MSH3: variants seen among roughly 807,000 people sequenced by gnomAD.
The protein encoded by MSH3 is DNA mismatch repair protein Msh3.
MSH3 carries 106 observed loss-of-function variants against 123.3 expected under a neutral mutation model. The ratio of observed to expected loss-of-function variants is 0.86; its 90% CI spans 0.73 to 1.01. The LOEUF (loss-of-function observed/expected upper bound fraction) is 1.01, where lower values mean the gene tolerates loss of function less well. Among genes scored for constraint, MSH3 ranks in the 50% least tolerant of loss-of-function variants. The pLI, the probability that MSH3 is intolerant of heterozygous loss-of-function variation, is 0.00. For synonymous variants in MSH3, 515 were observed against 481.4 expected (o/e 1.07, Z -0.91); for missense variants, 1,459 against 1,347.6 (o/e 1.08, Z -1.29).
intron 3 of MSH3, 73 bp from the exon 4 acceptor site, chr5:80,670,024 T>A (rs2112812026): frequency 1.4e-6 from 2 of 1,420,596 alleles, no homozygotes; most frequent in East Asian, 4.8e-5. Flanking sequence ...TTGCCAGATT[T>A]GCATTTTCCG....
At chr5:80,802,735 A>G (rs1744814648) in intron 19 of MSH3, among the ~76,000 whole-genome samples, 1 of 152,122 alleles carries the variant, frequency 6.6e-6, no homozygotes, top group Non-Finnish European at 1.5e-5. Context: ...TACCCTTCCC[A>G]GCCTCTGGTA....
At chr5:80,722,720 A>G (rs1239929988) in intron 8 of MSH3, among the ~76,000 whole-genome samples, 1 of 152,266 alleles carries the variant, frequency 6.6e-6, no homozygotes, top group Non-Finnish European at 1.5e-5. Flanking sequence ...TATAATAGAC[A>G]TGAATAGAAG....
chr5:80,727,696 C>A (rs1743326874), intron 9 of MSH3, among the ~76,000 whole-genome samples: 1 of 151,798 alleles, frequency 6.6e-6, no homozygotes, highest in South Asian at 2.1e-4. Flanking sequence ...ATTGGGCATA[C>A]AATAAGGAAT....
chr5:80,667,922 A>G (rs1749607969), intron 3 of MSH3, among the ~76,000 whole-genome samples: 1 of 152,198 alleles, frequency 6.6e-6, no homozygotes, highest in South Asian at 2.1e-4. Context: ...TTTGTGTTAC[A>G]GCTCTTTTAG....
intron 18 of MSH3, among the ~76,000 whole-genome samples, chr5:80,789,323 C>T (rs1255398637): frequency 6.6e-6 from 1 of 151,700 alleles, no homozygotes; most frequent in African/African-American, 2.4e-5. Context: ...GTGTCTCTCT[C>T]CAACAGATGA....
At chr5:80,682,445 C>T (rs780420160) in intron 8 of MSH3, among the ~76,000 whole-genome samples, 6 of 151,770 alleles carry the variant, frequency 4.0e-5, no homozygotes, top group African/African-American at 7.3e-5. Context: ...TGTGGCTGGG[C>T]GCAGTGGCTT....
Position 80,792,808 on chromosome 5 carries a change from A to G in MSH3, c.2619A>G (p.Glu873=). The change falls in exon 19 of 24, where the codon GAA becomes GAG. Residue 873 remains glutamate (E), a synonymous_variant. Transcript: ENST00000265081. ...CTGTGATTGATGTGTTGCTGGGAGA[A>G]CAGGATCAATATGTCCCAAATAATA... is the stretch of plus-strand genomic sequence containing the variant. ...RHPVIDVLLG[E]QDQYVPNNTD... 1 of 1,613,202 alleles carries G rather than the reference A, an allele frequency of 6.2e-7. No homozygotes were observed.
At position 80,671,402 on chromosome 5, in the gene MSH3, G is replaced by A. The variant is rs6151641; in HGVS notation, c.793-842G>A. Among the ~76,000 whole-genome samples, 333 of 152,274 alleles carry A rather than the reference G, an allele frequency of 2.2e-3. 1 individual carries two copies. Among genetic ancestry groups the A allele is most frequent in the Non-Finnish European group, 3.2e-3 (216 of 68,026 alleles). ...TTTCTTCAAGTTTCCTAAATCCTCTGTGGCAGGCAAGCAGCGTTCTCAAAG... is the reference window on the plus strand; with the variant it reads ...TTTCTTCAAGTTTCCTAAATCCTCTATGGCAGGCAAGCAGCGTTCTCAAAG... On this transcript the variant is annotated intron_variant, in intron 4 of 23. Transcript: ENST00000265081.
chr5:80,702,749 C>T (rs543449815), intron 8 of MSH3, among the ~76,000 whole-genome samples: 9 of 151,756 alleles, frequency 5.9e-5, no homozygotes, highest in African/African-American at 1.7e-4. Context: ...CAGTGGCTCA[C>T]GCCTGTAATC....
intron 7 of MSH3, 140 bp downstream of exon 7, chr5:80,675,268 AT>A: frequency 9.9e-7 from 1 of 1,012,670 alleles, no homozygotes. Flanking sequence ...TTTTCTCACA[AT>A]ATTATATGTT....
chr5:80,707,601 A>G (rs1750753266), intron 8 of MSH3, among the ~76,000 whole-genome samples: 1 of 152,026 alleles, frequency 6.6e-6, no homozygotes, highest in Non-Finnish European at 1.5e-5. Flanking sequence ...ATGTGGTGGC[A>G]CAAGCCTGTA....
chr5:80,866,324 A>G (rs539226912), intron 22 of MSH3, among the ~76,000 whole-genome samples: 1 of 152,268 alleles, frequency 6.6e-6, no homozygotes, highest in Non-Finnish European at 1.5e-5. Context: ...TGTTCTGTAG[A>G]GACAGGCTCT....
At chr5:80,684,580 C>T (rs141662600) in intron 8 of MSH3, among the ~76,000 whole-genome samples, 1 of 152,102 alleles carries the variant, frequency 6.6e-6, no homozygotes, top group Non-Finnish European at 1.5e-5. Context: ...TTTTGGTAGT[C>T]TTTAGGTTTT....
intron 14 of MSH3, among the ~76,000 whole-genome samples, chr5:80,768,321 A>G (rs1744159142): frequency 6.6e-6 from 1 of 152,152 alleles, no homozygotes; most frequent in Non-Finnish European, 1.5e-5. Flanking sequence ...GCAGTTTACC[A>G]TCTAGGACAG....
chr5:80,787,684 T>C lies in MSH3; in HGVS notation c.2543+12T>C. The C allele has an allele frequency of 6.4e-7, 1 of 1,557,734 alleles. No individual in the cohort carries two copies. ...GGAGATTACTGCAGGTAAGATATTTTTCATTTTCCTCTTTATCAGTGCTTT... is the reference window on the plus strand; with the variant it reads ...GGAGATTACTGCAGGTAAGATATTTCTCATTTTCCTCTTTATCAGTGCTTT... On this transcript the variant is annotated intron_variant, in intron 18 of 23. Coordinates refer to ENST00000265081, the MANE Select transcript of MSH3 (RefSeq NM_002439.5).
At chr5:80,833,985 A>G (rs534305724) in intron 20 of MSH3, among the ~76,000 whole-genome samples, 61 of 152,340 alleles carry the variant, frequency 4.0e-4, no homozygotes, top group Non-Finnish European at 5.1e-4. Flanking sequence ...TAAACTATAC[A>G]TTTCTTAAAG....
intron 2 of MSH3, among the ~76,000 whole-genome samples, chr5:80,663,225 A>G (rs1173678038): frequency 6.6e-6 from 1 of 152,200 alleles, no homozygotes; most frequent in Non-Finnish European, 1.5e-5. Context: ...GGTACTTGGA[A>G]AATTTGGAGT....
chr5:80,772,855 T>A (rs538269325), intron 15 of MSH3, among the ~76,000 whole-genome samples: 34 of 152,080 alleles, frequency 2.2e-4, no homozygotes, highest in Non-Finnish European at 1.2e-4. Flanking sequence ...GATTGCTGAG[T>A]GAGGAAAAGG....
chr5:80,810,091 A>C (rs979861755), intron 19 of MSH3, among the ~76,000 whole-genome samples: 1 of 150,170 alleles, frequency 6.7e-6, no homozygotes, highest in African/African-American at 2.5e-5. Context: ...CTCCATCTTC[A>C]TCTCCTAACC....
Sources: gnomAD v4.1 joint callset for allele counts (sites outside exome capture counted in the v4.1 genomes callset) on GRCh38, gnomAD v4.1.1 for gene constraint, MANE v1.5 for transcripts, NCBI Gene and HGNC (gene_info 2026-07-23, HGNC 2026-07-21) for gene names.